Variants in NDUFV2 observed in about 807,000 individuals in gnomAD.
NDUFV2 encodes the protein NADH dehydrogenase [ubiquinone] flavoprotein 2, mitochondrial.
In NDUFV2, 18 loss-of-function variants were observed where a neutral mutation model predicts 31.6. The ratio of observed to expected loss-of-function variants is 0.57; its 90% CI spans 0.39 to 0.84. NDUFV2 has a LOEUF of 0.84. Among genes scored for constraint, NDUFV2 ranks in the 40% least tolerant of loss-of-function variants. The pLI, the probability that NDUFV2 is intolerant of heterozygous loss-of-function variation, is 0.00. For synonymous variants in NDUFV2, 83 were observed against 99.8 expected (o/e 0.83, Z 1.01); for missense variants, 314 against 303.6 (o/e 1.03, Z -0.26).
chr18:9,109,519 A>G (rs2077859127), intron 1 of NDUFV2, among the ~76,000 whole-genome samples: 1 of 152,256 alleles, frequency 6.6e-6, no homozygotes, highest in Admixed American at 6.5e-5. Flanking sequence ...AAAAGAGTAG[A>G]GCCCATGAAA....
chr18:9,122,506 A>G lies in NDUFV2; in HGVS notation c.301-7A>G. 6.3e-7 allele frequency: 1 copy of G among 1,577,554 alleles called. No homozygotes were observed. Among genetic ancestry groups the G allele is most frequent in the Admixed American group, 1.7e-5 (1 of 59,880 alleles). On this transcript the variant is annotated splice_polypyrimidine_tract_variant and splice_region_variant and intron_variant, in intron 4 of 7. Coordinates refer to ENST00000318388, the MANE Select transcript of NDUFV2 (RefSeq NM_021074.5). ...TTATCTTATTTTTAAATGTCCTAAT[A>G]TTTTAGGTTGCAGAAGTTTTACAAG... is the stretch of plus-strand genomic sequence containing the variant.
chr18:9,104,878 A>ATT (rs2077833776), intron 1 of NDUFV2: 17 of 1,461,834 alleles, frequency 1.2e-5, no homozygotes, highest in Non-Finnish European at 5.5e-6. Context: ...AAAAAATAAA[A>ATT]ATCATCCATT....
rs1219604819 is a variant in NDUFV2, at chr18:9,131,945, AG to A, written c.657-2234del. ...GTTCTGAGGCATGTTTACAGATGAA[AG>A]GGGGGGTTACATTTTTAGTAGATTA... On this transcript the variant is annotated intron_variant, in intron 7 of 7. Transcript: ENST00000318388. Among the ~76,000 whole-genome samples the A allele has an allele frequency of 5.9e-5, 9 of 152,062 alleles. No homozygotes were observed. In the East Asian group the frequency reaches 1.5e-3, roughly 26 times the overall value.
intron 7 of NDUFV2, among the ~76,000 whole-genome samples, chr18:9,129,509 T>C (rs895511035): frequency 5.9e-5 from 9 of 152,054 alleles, no homozygotes; most frequent in Non-Finnish European, 1.2e-4. Context: ...AGATGACTAG[T>C]GTAATATGTG....
intron 1 of NDUFV2, chr18:9,105,047 A>G: frequency 7.0e-7 from 1 of 1,422,448 alleles, no homozygotes; most frequent in East Asian, 2.5e-5. Flanking sequence ...ATCAGTAGAC[A>G]TTTCTATACT....
At chr18:9,118,866 A>G (rs2077914412) in intron 2 of NDUFV2, among the ~76,000 whole-genome samples, 1 of 137,426 alleles carries the variant, frequency 7.3e-6, no homozygotes, top group African/African-American at 2.7e-5. Context: ...TACCCTCCTA[A>G]AGTAATGGGT....
Position 9,119,037 on chromosome 18 carries a change from T to G in NDUFV2, c.121-289T>G, listed in dbSNP as rs977581. Among the ~76,000 whole-genome samples, 79,334 of 151,826 alleles carry G rather than the reference T, an allele frequency of 0.52. 23,074 individuals carry two copies. Among genetic ancestry groups the G allele is most frequent in the South Asian group, 0.75 (3,583 of 4,802 alleles). On this transcript the variant is annotated intron_variant, in intron 2 of 7. Transcript: ENST00000318388. ...TCTATCAGAAGATCTTACTCTCTAA[T>G]GAAGCTGGATAACACTTTTTGTTGT... is the stretch of plus-strand genomic sequence containing the variant.
intron 1 of NDUFV2, among the ~76,000 whole-genome samples, chr18:9,114,819 T>C (rs2077889979): frequency 6.6e-6 from 1 of 152,216 alleles, no homozygotes; most frequent in Non-Finnish European, 1.5e-5. Flanking sequence ...TGTGAACTCA[T>C]GTGCGTATCC....
At chr18:9,105,642 A>G (rs2144727590) in intron 1 of NDUFV2, among the ~76,000 whole-genome samples, 1 of 152,326 alleles carries the variant, frequency 6.6e-6, no homozygotes, top group South Asian at 2.1e-4. Context: ...CAATGAGATG[A>G]CATCCTGATT....
At chr18:9,116,351 T>C (rs1272456803) in intron 1 of NDUFV2, among the ~76,000 whole-genome samples, 2 of 56,186 alleles carry the variant, frequency 3.6e-5, no homozygotes. Context: ...ACTCTTAAAA[T>C]TAATCCTTTT....
chr18:9,129,401 A>AT (rs2078021172), intron 7 of NDUFV2, among the ~76,000 whole-genome samples: 1 of 152,174 alleles, frequency 6.6e-6, no homozygotes, highest in African/African-American at 2.4e-5. Flanking sequence ...TTTTTCACAA[A>AT]TTTTTTTGAG....
chr18:9,127,510 C>G lies in NDUFV2; in HGVS notation c.656+603C>G, dbSNP rs137888353. On this transcript the variant is annotated intron_variant, in intron 7 of 7. Transcript: ENST00000318388. ...ACGGAGTCTCACTCCGTCACCCAGT[C>G]TGGAGTACAGTGGCGCAGTGGCACA... Among the ~76,000 whole-genome samples, 18 of 152,268 alleles carry G rather than the reference C, an allele frequency of 1.2e-4. No homozygotes were observed. The East Asian group carries it at 3.3e-3, about 28-fold the overall frequency.
chr18:9,118,369 T>C (rs1209553824), intron 2 of NDUFV2, among the ~76,000 whole-genome samples: 1 of 152,156 alleles, frequency 6.6e-6, no homozygotes, highest in Admixed American at 6.5e-5. Context: ...AGTTGCACAA[T>C]TTGGAAAGGA....
intron 1 of NDUFV2, among the ~76,000 whole-genome samples, chr18:9,107,120 C>T (rs896012593): frequency 1.3e-5 from 2 of 152,162 alleles, no homozygotes; most frequent in Admixed American, 6.5e-5. Context: ...TTCTGCCTGC[C>T]ATAGCCATAA....
chr18:9,110,230 T>A (rs1321890392), intron 1 of NDUFV2, among the ~76,000 whole-genome samples: 1 of 152,188 alleles, frequency 6.6e-6, no homozygotes, highest in African/African-American at 2.4e-5. Context: ...TATTTCAAAG[T>A]GAAACAAAAT....
rs1270834847 is a variant in NDUFV2 at position 9,108,242 on chromosome 18, T to A, written c.54+5445T>A. ...TACATTTGTTAATTCTCTCATAGTA[T>A]GGTAAAAATTACTTACATTTTAACC... is the stretch of plus-strand genomic sequence containing the variant. On this transcript the variant is annotated intron_variant, in intron 1 of 7. Coordinates refer to ENST00000318388, the MANE Select transcript of NDUFV2 (RefSeq NM_021074.5). Among the ~76,000 whole-genome samples, 3 of 152,260 alleles carry A rather than the reference T, an allele frequency of 2.0e-5. No individual in the cohort carries two copies. In the East Asian group the frequency reaches 5.8e-4, roughly 29 times the overall value.
chr18:9,125,538 TC>T (rs2077982203), intron 6 of NDUFV2, among the ~76,000 whole-genome samples: 1 of 143,550 alleles, frequency 7.0e-6, no homozygotes, highest in Admixed American at 6.9e-5. Context: ...ATTGAGCGTT[TC>T]TGTTTTTTTT....
At chr18:9,120,540 T>C (rs890472441) in intron 4 of NDUFV2, among the ~76,000 whole-genome samples, 2 of 152,250 alleles carry the variant, frequency 1.3e-5, no homozygotes, top group African/African-American at 4.8e-5. Context: ...TGGTTATAAC[T>C]CTTAGGCTAG....
At chr18:9,123,234 G>C (rs2077955123) in intron 5 of NDUFV2, among the ~76,000 whole-genome samples, 1 of 152,110 alleles carries the variant, frequency 6.6e-6, no homozygotes, top group East Asian at 1.9e-4. Flanking sequence ...GTAATATTTT[G>C]TTATTGAATA....
Sources: gnomAD v4.1 joint callset for allele counts (sites outside exome capture counted in the v4.1 genomes callset) on GRCh38, gnomAD v4.1.1 for gene constraint, MANE v1.5 for transcripts, NCBI Gene and HGNC (gene_info 2026-07-23, HGNC 2026-07-21) for gene names.